CLIC4: variants seen among roughly 807,000 people sequenced by gnomAD.
CLIC4 encodes CLIC family member 4.
In CLIC4, 13 loss-of-function variants were observed where a neutral mutation model predicts 24.6. That is an observed-to-expected ratio of 0.53 (90% CI 0.34 to 0.84). CLIC4 has a LOEUF of 0.84. CLIC4 is among the 40% of genes least tolerant of loss of function. The pLI, the probability that CLIC4 is intolerant of heterozygous loss-of-function variation, is 0.01. For synonymous variants in CLIC4, 104 were observed against 111.3 expected (o/e 0.93, Z 0.41); for missense variants, 227 against 301.7 (o/e 0.75, Z 1.83).
At chr1:24,748,510 T>TTG (rs1358320152) in intron 1 of CLIC4, among the ~76,000 whole-genome samples, 8 of 144,014 alleles carry the variant, frequency 5.6e-5, no homozygotes, top group Non-Finnish European at 1.1e-4. Context: ...TTTTTTTTTT[T>TTG]TTTTTTTTTT....
chr1:24,786,728 C>T (rs912094312), intron 1 of CLIC4, among the ~76,000 whole-genome samples: 2 of 152,054 alleles, frequency 1.3e-5, no homozygotes, highest in African/African-American at 4.8e-5. Context: ...CGCCATTCTC[C>T]TGCCTCAGCC....
rs140954431 is a variant in CLIC4 at position 24,828,081 on chromosome 1, G to A, written c.415+965G>A. ...AAGAATACCAAAGGGGAAAATATCA[G>A]TGCTGGTTAAACAAGAATGAATATC... is the stretch of plus-strand genomic sequence containing the variant. On this transcript the variant is annotated intron_variant, in intron 4 of 5. Transcript: ENST00000374379. Among the ~76,000 whole-genome samples the A allele has an allele frequency of 2.9e-3, 446 of 152,314 alleles. 2 individuals carry two copies. Among genetic ancestry groups the A allele is most frequent in the Non-Finnish European group, 4.1e-3 (281 of 68,024 alleles).
intron 1 of CLIC4, among the ~76,000 whole-genome samples, chr1:24,761,946 G>A (rs1219277964): frequency 1.3e-5 from 2 of 152,186 alleles, no homozygotes. Flanking sequence ...AGCAGACAGA[G>A]TTCAAGTTTT....
At chr1:24,819,783 A>G in intron 3 of CLIC4, among the ~76,000 whole-genome samples, 1 of 147,710 alleles carries the variant, frequency 6.8e-6, no homozygotes, top group Non-Finnish European at 1.5e-5. Context: ...TCTGTCGCCC[A>G]GGCTGGAGTG....
chr1:24,785,854 C>CAAATA (rs1639259768), intron 1 of CLIC4, among the ~76,000 whole-genome samples: 1 of 58,852 alleles, frequency 1.7e-5, no homozygotes, highest in Non-Finnish European at 2.9e-5. Context: ...GACTACAACT[C>CAAATA]AAAAAAAAAA....
At chr1:24,751,486 G>GCT (rs1553188525) in intron 1 of CLIC4, among the ~76,000 whole-genome samples, 1 of 151,828 alleles carries the variant, frequency 6.6e-6, no homozygotes, top group African/African-American at 2.4e-5. Flanking sequence ...TGATCCACCC[G>GCT]CTCGGCCTCC....
At chr1:24,827,668 C>A (rs540423279) in intron 4 of CLIC4, among the ~76,000 whole-genome samples, 2 of 151,558 alleles carry the variant, frequency 1.3e-5, no homozygotes, top group South Asian at 4.2e-4. Context: ...AATTTCTCTG[C>A]ATCTTCAAGC....
At chr1:24,758,217 A>T (rs745895324) in intron 1 of CLIC4, among the ~76,000 whole-genome samples, 4 of 152,118 alleles carry the variant, frequency 2.6e-5, no homozygotes, top group Non-Finnish European at 4.4e-5. Context: ...TTTACTCTAG[A>T]CAACTTAGAA....
chr1:24,762,244 C>A (rs1323093186), intron 1 of CLIC4, among the ~76,000 whole-genome samples: 1 of 151,940 alleles, frequency 6.6e-6, no homozygotes, highest in African/African-American at 2.4e-5. Context: ...ATAGCAAGAC[C>A]CCATCCCTGC....
At chr1:24,758,532 A>C (rs954607801) in intron 1 of CLIC4, among the ~76,000 whole-genome samples, 4 of 151,708 alleles carry the variant, frequency 2.6e-5, no homozygotes, top group Non-Finnish European at 5.9e-5. Context: ...ATCTCGGCTC[A>C]CTGCAACCTC....
intron 1 of CLIC4, among the ~76,000 whole-genome samples, chr1:24,764,716 A>T (rs1638971519): frequency 6.6e-6 from 1 of 151,842 alleles, no homozygotes; most frequent in East Asian, 1.9e-4. Flanking sequence ...GGGCATCTGG[A>T]TTCCTGCCAA....
intron 2 of CLIC4, among the ~76,000 whole-genome samples, chr1:24,800,737 CT>C (rs1639478473): frequency 1.3e-5 from 2 of 152,214 alleles, no homozygotes; most frequent in Non-Finnish European, 2.9e-5. Context: ...ATTCTTCTGC[CT>C]TGGGATCTTG....
intron 2 of CLIC4, among the ~76,000 whole-genome samples, chr1:24,800,944 T>G (rs1639481623): frequency 6.6e-6 from 1 of 150,474 alleles, no homozygotes; most frequent in Admixed American, 6.6e-5. Flanking sequence ...CGCAGGGTCC[T>G]CTGCCTAGGA....
At chr1:24,785,951 T>C (rs1260163425) in intron 1 of CLIC4, among the ~76,000 whole-genome samples, 1 of 152,126 alleles carries the variant, frequency 6.6e-6, no homozygotes, top group East Asian at 1.9e-4. Context: ...ACATTGTTTT[T>C]GGACTTTTAA....
At chr1:24,794,724 T>C (rs528371663) in intron 1 of CLIC4, among the ~76,000 whole-genome samples, 2 of 152,236 alleles carry the variant, frequency 1.3e-5, no homozygotes, top group Non-Finnish European at 2.9e-5. Flanking sequence ...TTGTCAACTT[T>C]CGTTGCAATT....
intron 1 of CLIC4, among the ~76,000 whole-genome samples, chr1:24,795,549 TA>T (rs564857779): frequency 6.1e-5 from 9 of 146,404 alleles, no homozygotes; most frequent in East Asian, 2.0e-4. Context: ...AAAAAAAAAA[TA>T]AAAAAAAAAC....
chr1:24,815,937 T>C (rs1299001644), intron 3 of CLIC4, among the ~76,000 whole-genome samples: 1 of 152,208 alleles, frequency 6.6e-6, no homozygotes, highest in East Asian at 1.9e-4. Flanking sequence ...ATTTCAACAA[T>C]GTTCTTAGCA....
At chr1:24,798,747 A>G (rs1028219212) in intron 2 of CLIC4, among the ~76,000 whole-genome samples, 1 of 147,908 alleles carries the variant, frequency 6.8e-6, no homozygotes, top group Middle Eastern at 3.2e-3. Flanking sequence ...GCTCACTGCA[A>G]CCTCCCTGCC....
chr1:24,775,550 CTCTTTCTTTCTCTTT>C (rs1639128635), intron 1 of CLIC4, among the ~76,000 whole-genome samples: 1 of 147,080 alleles, frequency 6.8e-6, no homozygotes, highest in Non-Finnish European at 1.5e-5. Context: ...TCTTTCTTTT[CTCTTTCTTTCTCTTT>C]CCCTCTCTTT....
Sources: gnomAD v4.1 joint callset for allele counts (sites outside exome capture counted in the v4.1 genomes callset) on GRCh38, gnomAD v4.1.1 for gene constraint, MANE v1.5 for transcripts, NCBI Gene and HGNC (gene_info 2026-07-23, HGNC 2026-07-21) for gene names.